PPARGC1A: variants seen among roughly 807,000 people sequenced by gnomAD.
The protein encoded by PPARGC1A is peroxisome proliferator-activated receptor gamma coactivator 1-alpha.
In PPARGC1A, 25 loss-of-function variants were observed where a neutral mutation model predicts 88.7. That is an observed-to-expected ratio of 0.28 (90% confidence interval 0.21 to 0.39). The LOEUF (loss-of-function observed/expected upper bound fraction) is 0.39, where lower values mean the gene tolerates loss of function less well. PPARGC1A is among the 10% of genes least tolerant of loss of function. The probability of loss-of-function intolerance (pLI) is 1.00; values close to 1 mark genes in which losing one functional copy is unlikely to be tolerated. For missense variants in PPARGC1A, 880 were observed against 968.7 expected (o/e 0.91, Z 1.22); for synonymous variants, 363 against 355.6 (o/e 1.02, Z -0.24).
chr4:24,383,789 T>C, the PPARGC1A span, among the ~76,000 whole-genome samples: 3 of 152,178 alleles, frequency 2.0e-5, no homozygotes, highest in Non-Finnish European at 2.9e-5. Context: ...TGCAACCAAG[T>C]TGGAAAACAC....
At chr4:24,259,721 G>T in the PPARGC1A span, among the ~76,000 whole-genome samples, 1 of 152,084 alleles carries the variant, frequency 6.6e-6, no homozygotes, top group Non-Finnish European at 1.5e-5. Context: ...CACGAATATC[G>T]ATTGAATTCA....
chr4:24,034,861 C>G, the PPARGC1A span, among the ~76,000 whole-genome samples: 1 of 152,182 alleles, frequency 6.6e-6, no homozygotes, highest in Non-Finnish European at 1.5e-5. Context: ...ATACAGTCAT[C>G]GACAGCTGGT....
At chr4:23,991,732 G>A in the PPARGC1A span, among the ~76,000 whole-genome samples, 3 of 151,756 alleles carry the variant, frequency 2.0e-5, no homozygotes, top group Admixed American at 6.6e-5. Flanking sequence ...ACTAACAAGA[G>A]GCATGGCAGA....
chr4:24,394,195 G>T, the PPARGC1A span, among the ~76,000 whole-genome samples: 1 of 152,172 alleles, frequency 6.6e-6, no homozygotes, highest in African/African-American at 2.4e-5. Context: ...TTCCAAAGGG[G>T]TGAGAGAGAA....
chr4:24,453,307 T>C, the PPARGC1A span, among the ~76,000 whole-genome samples: 1 of 152,220 alleles, frequency 6.6e-6, no homozygotes, highest in South Asian at 2.1e-4. Flanking sequence ...ACAGCAGCTC[T>C]TGCAAACTAA....
At chr4:24,223,910 AAC>A in the PPARGC1A span, among the ~76,000 whole-genome samples, 1 of 152,236 alleles carries the variant, frequency 6.6e-6, no homozygotes, top group Non-Finnish European at 1.5e-5. Flanking sequence ...CACATGTGTT[AAC>A]AGTTTTCCCT....
the PPARGC1A span, among the ~76,000 whole-genome samples, chr4:24,379,607 A>T: frequency 4.1e-4 from 62 of 152,014 alleles, no homozygotes; most frequent in African/African-American, 1.5e-3. Flanking sequence ...ATACAGGAAA[A>T]TTTTCACAAT....
chr4:24,173,143 T>C, the PPARGC1A span, among the ~76,000 whole-genome samples: 1 of 152,040 alleles, frequency 6.6e-6, no homozygotes, highest in African/African-American at 2.4e-5. Context: ...TCTTTTGAGG[T>C]ACCCAGACAG....
the PPARGC1A span, among the ~76,000 whole-genome samples, chr4:24,145,931 C>G: frequency 6.6e-6 from 1 of 152,086 alleles, no homozygotes; most frequent in East Asian, 1.9e-4. Flanking sequence ...TCTTACATTT[C>G]AATGTTGGGA....
Position 23,795,491 on chromosome 4 carries a change from C to CCACACACATACATACA in PPARGC1A, c.*315_*330dup, listed in dbSNP as rs1237383869. On this transcript the variant is annotated 3_prime_UTR_variant, in exon 13 of 13. Coordinates refer to ENST00000264867, the MANE Select transcript of PPARGC1A (RefSeq NM_013261.5). Reference sequence around the variant, plus strand: ...ACTTCCCCTAAACCAAGCACACACACCACACACATACATACACACACACAT... The same window carrying CCACACACATACATACA: ...ACTTCCCCTAAACCAAGCACACACACCACACACATACATACACACACACATACATACACACACACAT... 7.5e-4 allele frequency: 158 copies of CCACACACATACATACA among 209,560 alleles called. No homozygotes were observed. Among genetic ancestry groups the CCACACACATACATACA allele is most frequent in the African/African-American group, 3.7e-3 (157 of 41,906 alleles). 13.0% of individuals were successfully genotyped at this position (209,560 alleles called of 1,614,324 possible). A position where few individuals can be genotyped will look rare whatever the true frequency, so the allele number is the denominator to read the frequency against.
chr4:24,344,086 G>A, the PPARGC1A span, among the ~76,000 whole-genome samples: 1 of 132,156 alleles, frequency 7.6e-6, no homozygotes, highest in Middle Eastern at 3.4e-3. Context: ...TCCTTTTTAT[G>A]TCTGTGTAGT....
the PPARGC1A span, among the ~76,000 whole-genome samples, chr4:24,283,364 A>G: frequency 1.3e-5 from 2 of 152,182 alleles, no homozygotes; most frequent in African/African-American, 2.4e-5. Flanking sequence ...TCACATTTAA[A>G]GTGGGGGTCA....
chr4:23,864,294 T>A (rs1253966659), intron 2 of PPARGC1A, among the ~76,000 whole-genome samples: 1 of 152,216 alleles, frequency 6.6e-6, no homozygotes, highest in Non-Finnish European at 1.5e-5. Flanking sequence ...ATTGTCTGAT[T>A]GTGTCACCCG....
chr4:24,436,994 G>A, the PPARGC1A span, among the ~76,000 whole-genome samples: 1 of 152,236 alleles, frequency 6.6e-6, no homozygotes, highest in Non-Finnish European at 1.5e-5. Flanking sequence ...CTGAGCAGGG[G>A]GAACACATGG....
the PPARGC1A span, among the ~76,000 whole-genome samples, chr4:24,000,831 C>CCTTTT: frequency 6.6e-6 from 1 of 152,088 alleles, no homozygotes; most frequent in Non-Finnish European, 1.5e-5. Context: ...TTGGGAATCT[C>CCTTTT]CTTTTCTTTT....
chr4:24,089,520 T>TTTTGAGACGGAGTC, the PPARGC1A span, among the ~76,000 whole-genome samples: 1 of 143,594 alleles, frequency 7.0e-6, no homozygotes, highest in African/African-American at 2.6e-5. Context: ...CTTTCTTTTT[T>TTTTGAGACGGAGTC]TTTTTTTTGA....
At chr4:24,171,675 C>T in the PPARGC1A span, among the ~76,000 whole-genome samples, 1 of 152,112 alleles carries the variant, frequency 6.6e-6, no homozygotes, top group African/African-American at 2.4e-5. Flanking sequence ...AGCAAACTTT[C>T]TATGTGATAA....
chr4:23,831,935 G>T (rs986530319), intron 2 of PPARGC1A, among the ~76,000 whole-genome samples, 184 bp from the exon 3 acceptor site: 1 of 151,976 alleles, frequency 6.6e-6, no homozygotes, highest in African/African-American at 2.4e-5. Flanking sequence ...CACAATTAAT[G>T]AATACCTCTA....
At chr4:24,185,841 T>C in the PPARGC1A span, among the ~76,000 whole-genome samples, 1 of 125,460 alleles carries the variant, frequency 8.0e-6, no homozygotes, top group African/African-American at 3.0e-5. Flanking sequence ...CGCACCAGCA[T>C]AGCACATGTA....
Sources: gnomAD v4.1 joint callset for allele counts (sites outside exome capture counted in the v4.1 genomes callset) on GRCh38, gnomAD v4.1.1 for gene constraint, MANE v1.5 for transcripts, NCBI Gene and HGNC (gene_info 2026-07-23, HGNC 2026-07-21) for gene names.